Variants in DICER1 observed in about 807,000 individuals in gnomAD.
The protein encoded by DICER1 is endoribonuclease Dicer.
DICER1 carries 43 observed loss-of-function variants against 194.1 expected under a neutral mutation model. The observed-to-expected ratio is 0.22, with a 90% CI of 0.17 to 0.29. The LOEUF is 0.29. DICER1 is among the 10% of genes least tolerant of loss of function. DICER1 has a pLI of 1.00. For missense variants in DICER1, 1,608 were observed against 2,317.0 expected (o/e 0.69, Z 6.28); for synonymous variants, 832 against 820.5 (o/e 1.01, Z -0.24).
chr14:95,155,924 C>T (rs549884523), intron 1 of DICER1, among the ~76,000 whole-genome samples: 5 of 152,228 alleles, frequency 3.3e-5, no homozygotes, highest in African/African-American at 7.2e-5. Context: ...TACACACGTG[C>T]CACAGGTAGC....
chr14:95,114,425 T>C (rs1267098572), intron 11 of DICER1, among the ~76,000 whole-genome samples: 1 of 152,130 alleles, frequency 6.6e-6, no homozygotes, highest in East Asian at 1.9e-4. Flanking sequence ...AAGTTCACAC[T>C]GACATTAAAA....
rs180918578 is a variant in DICER1, at chr14:95,105,080, G to T, written c.3260C>A (p.Ala1087Glu). The T allele has an allele frequency of 1.9e-6, 3 of 1,613,970 alleles. No homozygotes were observed. The East Asian group carries it at 6.7e-5, about 36-fold the overall frequency. Residue 1087 changes from alanine to glutamate, a missense_variant, in exon 20 of 27, where the codon GCG (alanine) becomes GAG (glutamate). Physicochemically the swap from Ala to Glu is moderately radical, Grantham distance 107. Transcript: ENST00000343455. This position sits in a 1 kb window ranked among gnomAD's most constrained non-coding sequence, Gnocchi z 4.9. ...GACTGCACAGGCATACCTAAAATCC[G>T]CAGGAAGTGATCTGACTCCCACGCC... ...DAGVGVRSLP[A>E]DFRYPNLDFG...
chr14:95,105,367 A>G lies in DICER1; in HGVS notation c.3094-121T>C. On this transcript the variant is annotated intron_variant, in intron 19 of 26. Coordinates refer to ENST00000343455, the MANE Select transcript of DICER1 (RefSeq NM_177438.3). The surrounding 1 kb of genome is among the most constrained non-coding windows in gnomAD (Gnocchi z 4.9). ...AAATGCTAGTAAAACTTAATTTTAA[A>G]AAATATTTGTAAAAATAATCCTCTA... 1 of 961,662 alleles carries G rather than the reference A, an allele frequency of 1.0e-6. No individual in the cohort carries two copies. The highest frequency in any genetic ancestry group is 1.7e-5 in the African/African-American group (1 of 60,054). The allele number at this position is 961,662 out of a possible 1,614,324, so 59.6% of individuals were successfully genotyped here.
intron 8 of DICER1, among the ~76,000 whole-genome samples, chr14:95,118,402 C>G (rs1283649967): frequency 6.6e-6 from 1 of 152,132 alleles, no homozygotes; most frequent in Non-Finnish European, 1.5e-5. Context: ...CTTTCTTGTC[C>G]CCAGGCCACT....
At position 95,105,092 on chromosome 14, in the gene DICER1, C is replaced by G. The variant is rs1060503616; in HGVS notation, c.3248G>C (p.Arg1083Thr). Residue 1083 changes from arginine to threonine, a missense_variant, in exon 20 of 27, where the codon AGA becomes ACA. This residue lies in a region of DICER1 where 79 missense variants were observed against 176.1 expected (regional missense o/e 0.45). Transcript: ENST00000343455. The surrounding 1 kb of genome is among the most constrained non-coding windows in gnomAD (Gnocchi z 4.9). ...QTASDAGVGVRSLPADFRYPN... is the reference protein window; with the variant it reads ...QTASDAGVGVTSLPADFRYPN... Reference sequence around the variant, plus strand: ...ATACCTAAAATCCGCAGGAAGTGATCTGACTCCCACGCCAGCATCGCTGGC... The same window carrying G: ...ATACCTAAAATCCGCAGGAAGTGATGTGACTCCCACGCCAGCATCGCTGGC... 1 of 1,614,160 alleles carries G rather than the reference C, an allele frequency of 6.2e-7. No homozygotes were observed. Among genetic ancestry groups the G allele is most frequent in the Non-Finnish European group, 8.5e-7 (1 of 1,180,020 alleles).
At chr14:95,119,067 G>C (rs1370308370) in intron 8 of DICER1, among the ~76,000 whole-genome samples, 1 of 152,030 alleles carries the variant, frequency 6.6e-6, no homozygotes, top group Admixed American at 6.5e-5. Context: ...CAAATAACAT[G>C]TCCAAAAGTC....
In DICER1 at chr14:95,115,790, T is replaced by C. The variant is rs1060503611; in HGVS notation, c.1784A>G (p.Asp595Gly). The C allele has an allele frequency of 1.2e-6, 2 of 1,614,144 alleles. No homozygotes were observed. The highest frequency in any genetic ancestry group is 1.7e-6 in the Non-Finnish European group (2 of 1,180,026). ...ILRNKCSKSV[D>G]TGETDIDPVM... ...AGGATCAATGTCAGTCTCACCAGTA[T>C]CAACCGACTTGGAACACTTGTTTCT... The change falls in exon 11 of 27, where the codon GAT becomes GGT. Residue 595 changes from aspartate (D) to glycine (G), a missense_variant. Asp to Gly is a moderately conservative substitution (Grantham distance 94). Coordinates refer to ENST00000343455, the MANE Select transcript of DICER1 (RefSeq NM_177438.3).
chr14:95,090,985 C>CA, intron 26 of DICER1, 49 bp downstream of exon 26: 1 of 1,517,976 alleles, frequency 6.6e-7, no homozygotes, highest in Non-Finnish European at 9.1e-7. Context: ...AACTTTTCCC[C>CA]TTTGATGTTT....
At chr14:95,145,038 C>A (rs1305745851) in intron 1 of DICER1, among the ~76,000 whole-genome samples, 3 of 152,206 alleles carry the variant, frequency 2.0e-5, no homozygotes, top group African/African-American at 7.2e-5. Context: ...ATCCAAACAT[C>A]CCCTCCTTTG....
intron 21 of DICER1, among the ~76,000 whole-genome samples, chr14:95,101,561 T>C (rs1890879788): frequency 6.6e-6 from 1 of 152,166 alleles, no homozygotes; most frequent in African/African-American, 2.4e-5. Flanking sequence ...TCATATTCCA[T>C]GAGGTCTAAA....
At position 95,124,306 on chromosome 14, in the gene DICER1, TTCATCCTCATCA is replaced by T. The variant is rs2140202310; in HGVS notation, c.1254_1265del (p.Asp418_Asp421del). On this transcript the variant is annotated inframe_deletion, in exon 8 of 27. Transcript: ENST00000343455. The surrounding 1 kb of genome is among the most constrained non-coding windows in gnomAD (Gnocchi z 4.5). ...CTGGCTTCTCTTTTTCTTCAATTTC[TTCATCCTCATCA>T]TCATCCTCAGAATCACTCCATGACA... 1 of 1,613,984 alleles carries T rather than the reference TTCATCCTCATCA, an allele frequency of 6.2e-7. No individual in the cohort carries two copies. The highest frequency in any genetic ancestry group is 8.5e-7 in the Non-Finnish European group (1 of 1,179,936).
At position 95,124,334 on chromosome 14, in the gene DICER1, C is replaced by T; in HGVS notation, c.1238G>A (p.Ser413Asn). 1 of 1,613,860 alleles carries T rather than the reference C, an allele frequency of 6.2e-7. No homozygotes were observed. The highest frequency in any genetic ancestry group is 8.5e-7 in the Non-Finnish European group (1 of 1,179,834). ...ATCCTCATCATCATCCTCAGAATCA[C>T]TCCATGACACATAATTATCCTGATT... is the stretch of plus-strand genomic sequence containing the variant. ...NRNQDNYVSWSDSEDDDEDEE... is the reference protein window; with the variant it reads ...NRNQDNYVSWNDSEDDDEDEE... The change falls in exon 8 of 27, where the codon AGT becomes AAT. Residue 413 changes from serine to asparagine, a missense_variant. By Grantham distance (46) the Ser-to-Asn change is conservative. Coordinates refer to ENST00000343455, the MANE Select transcript of DICER1 (RefSeq NM_177438.3). The surrounding 1 kb of genome is among the most constrained non-coding windows in gnomAD (Gnocchi z 4.5).
chr14:95,133,235 T>TTATA (rs1404287393), intron 2 of DICER1, 80 bp downstream of exon 2: 1 of 1,497,154 alleles, frequency 6.7e-7, no homozygotes, highest in Non-Finnish European at 9.3e-7. Flanking sequence ...TAAATGAGTT[T>TTATA]TATATAAGTT....
At position 95,108,507 on chromosome 14, in the gene DICER1, G is replaced by C; in HGVS notation, c.2257-4C>G. The stretch of plus-strand genomic sequence containing the variant: ...TATCCCTCAAACACTCTGGAATCTA[G>C]AGTTGGAAAGGAAAATTAAGCGTCA... On this transcript the variant is annotated splice_polypyrimidine_tract_variant and splice_region_variant and intron_variant, in intron 14 of 26. Coordinates refer to ENST00000343455, the MANE Select transcript of DICER1 (RefSeq NM_177438.3). The C allele has an allele frequency of 6.2e-7, 1 of 1,613,958 alleles. No individual in the cohort carries two copies. The highest frequency in any genetic ancestry group is 1.1e-5 in the South Asian group (1 of 91,082).
rs2139842668 is a variant in DICER1, at chr14:95,096,099, C to T, written c.4821G>A (p.Arg1607=). The T allele has an allele frequency of 6.2e-7, 1 of 1,614,158 alleles. No individual in the cohort carries two copies. Among genetic ancestry groups the T allele is most frequent in the Non-Finnish European group, 8.5e-7 (1 of 1,180,030 alleles). ...TCTTTTGTTGGCTGTTGAAATTCTC[C>T]CGAGTAGGGCACAGGGCCTTTTCCC... ...TDREKALCPT[R]ENFNSQQKNL... The change falls in exon 23 of 27, where the codon CGG becomes CGA. Residue 1607 remains arginine, a synonymous_variant. Coordinates refer to ENST00000343455, the MANE Select transcript of DICER1 (RefSeq NM_177438.3).
intron 1 of DICER1, chr14:95,134,345 A>T (rs1439923359): frequency 6.6e-6 from 1 of 152,200 alleles, no homozygotes; most frequent in South Asian, 2.1e-4. Flanking sequence ...AAAAACTGAA[A>T]CTTTAAAATT....
intron 7 of DICER1, among the ~76,000 whole-genome samples, chr14:95,126,374 G>C (rs938040816): frequency 6.6e-6 from 1 of 152,058 alleles, no homozygotes; most frequent in African/African-American, 2.4e-5. Context: ...CCTTAAATAG[G>C]GGAAGTCTAC....
At position 95,124,106 on chromosome 14, in the gene DICER1, T is replaced by TGCTA; in HGVS notation, c.1376+86_1376+89dup. The TGCTA allele has an allele frequency of 1.1e-6, 1 of 931,102 alleles. No homozygotes were observed. The highest frequency in any genetic ancestry group is 1.9e-5 in the Admixed American group (1 of 53,216). The allele number at this position is 931,102 out of a possible 1,614,324, so 57.7% of individuals were successfully genotyped here. ...GTCAAGGACACTTACATAACCCTCA[T>TGCTA]GCTAGCTCTTACAGCTGCTGCAGCG... On this transcript the variant is annotated intron_variant, in intron 8 of 26. Coordinates refer to ENST00000343455, the MANE Select transcript of DICER1 (RefSeq NM_177438.3). The surrounding 1 kb of genome is among the most constrained non-coding windows in gnomAD (Gnocchi z 4.5).
chr14:95,126,776 A>G, intron 6 of DICER1, 28 bp from the exon 7 acceptor site: 1 of 1,477,824 alleles, frequency 6.8e-7, no homozygotes, highest in Non-Finnish European at 9.4e-7. Context: ...AAAGGTATCA[A>G]TACTGCAGTA....
Sources: allele counts gnomAD v4.1 joint callset (sites outside exome capture counted in the v4.1 genomes callset), GRCh38; gene constraint gnomAD v4.1.1; regional missense constraint gnomAD v4.1.1; non-coding constraint Gnocchi (gnomAD v3.1); transcripts MANE v1.5; gene names NCBI Gene and HGNC (gene_info 2026-07-23, HGNC 2026-07-21).